RIMS1: variants seen among roughly 807,000 people sequenced by gnomAD.
RIMS1 encodes regulating synaptic membrane exocytosis 1, also known as regulating synaptic membrane exocytosis protein 1.
A neutral mutation model predicts 214.1 loss-of-function variants in RIMS1; 83 were observed. The observed-to-expected ratio is 0.39, with a 90% CI of 0.32 to 0.47. The LOEUF is 0.47. Ranked by LOEUF, RIMS1 falls within the 20% of genes least tolerant of loss-of-function variation. RIMS1 has a pLI of 0.99. For missense variants in RIMS1, 2,050 were observed against 2,161.8 expected (o/e 0.95, Z 1.03); for synonymous variants, 793 against 786.8 (o/e 1.01, Z -0.13).
At chr6:71,990,283 G>A (rs970779944) in intron 2 of RIMS1, among the ~76,000 whole-genome samples, 9 of 152,038 alleles carry the variant, frequency 5.9e-5, no homozygotes, top group African/African-American at 1.9e-4. Flanking sequence ...ACACTGATAC[G>A]TGCAGCTCAT....
intron 1 of RIMS1, among the ~76,000 whole-genome samples, chr6:71,912,181 C>A (rs923306153): frequency 3.3e-5 from 5 of 152,144 alleles, no homozygotes; most frequent in Non-Finnish European, 7.4e-5. Flanking sequence ...AACCCTGCCT[C>A]TTCTGTGGTC....
At chr6:72,007,137 A>G (rs565818265) in intron 2 of RIMS1, among the ~76,000 whole-genome samples, 121 of 152,304 alleles carry the variant, frequency 7.9e-4, no homozygotes, top group African/African-American at 2.7e-3. Flanking sequence ...TTCCAGAGGA[A>G]CGATCACGCA....
At chr6:72,023,257 T>A (rs1007280998) in intron 2 of RIMS1, among the ~76,000 whole-genome samples, 6 of 152,188 alleles carry the variant, frequency 3.9e-5, no homozygotes, top group Non-Finnish European at 7.4e-5. Flanking sequence ...ATAGCTAACA[T>A]ATACATTTTA....
At chr6:72,114,064 GA>G (rs1258163747) in intron 4 of RIMS1, among the ~76,000 whole-genome samples, 5 of 151,910 alleles carry the variant, frequency 3.3e-5, no homozygotes, top group African/African-American at 1.2e-4. Context: ...ATTTTAAAGA[GA>G]AAAAAGTTTC....
intron 6 of RIMS1, among the ~76,000 whole-genome samples, chr6:72,207,085 G>T (rs2154001391): frequency 6.6e-6 from 1 of 152,306 alleles, no homozygotes; most frequent in Admixed American, 6.5e-5. Context: ...GCAAGAAGTA[G>T]TCTGGTCCTA....
intron 2 of RIMS1, among the ~76,000 whole-genome samples, chr6:72,077,944 C>T (rs1437773412): frequency 2.6e-5 from 4 of 152,140 alleles, no homozygotes; most frequent in East Asian, 3.9e-4. Flanking sequence ...AAGGGGATAG[C>T]TTCACTTTAG....
chr6:72,207,537 T>C (rs1445675520), intron 6 of RIMS1, among the ~76,000 whole-genome samples: 3 of 152,154 alleles, frequency 2.0e-5, no homozygotes, highest in Non-Finnish European at 4.4e-5. Context: ...GTGTGGGCAA[T>C]AGGATGATAA....
intron 12 of RIMS1, among the ~76,000 whole-genome samples, chr6:72,249,056 G>T (rs2071722531): frequency 6.6e-6 from 1 of 152,104 alleles, no homozygotes; most frequent in South Asian, 2.1e-4. Flanking sequence ...CAGAGAAATG[G>T]ATTTACACAG....
chr6:72,219,530 A>G (rs2057629990), intron 6 of RIMS1, among the ~76,000 whole-genome samples: 1 of 152,162 alleles, frequency 6.6e-6, no homozygotes, highest in Admixed American at 6.5e-5. Flanking sequence ...AATTCTTATG[A>G]TGAACTGTAA....
At chr6:71,892,769 A>AT (rs1294679008) in intron 1 of RIMS1, among the ~76,000 whole-genome samples, 3 of 152,218 alleles carry the variant, frequency 2.0e-5, no homozygotes, top group African/African-American at 7.2e-5. Context: ...TAGGTCAGGC[A>AT]TTAGGCTGCT....
intron 29 of RIMS1, among the ~76,000 whole-genome samples, chr6:72,355,570 C>T (rs1190062590): frequency 6.6e-6 from 1 of 152,090 alleles, no homozygotes; most frequent in Non-Finnish European, 1.5e-5. Context: ...GGTGAAAACA[C>T]CTTTAGAACA....
chr6:72,148,553 T>C (rs2043059411), intron 4 of RIMS1: 2 of 456,398 alleles, frequency 4.4e-6, no homozygotes, highest in African/African-American at 2.0e-5. Flanking sequence ...CTCCCTGCTG[T>C]CAGTAACCTT....
At position 72,014,886 on chromosome 6, in the gene RIMS1, T is replaced by C. The variant is rs1346243865; in HGVS notation, c.245+45823T>C. On this transcript the variant is annotated intron_variant, in intron 2 of 33. Transcript: ENST00000521978. ...ATGATATATCCTCTTTGGAGAAATATCTAATCAAATTCCCTGCCTATTTCT... is the reference window on the plus strand; with the variant it reads ...ATGATATATCCTCTTTGGAGAAATACCTAATCAAATTCCCTGCCTATTTCT... Among the ~76,000 whole-genome samples, 11 of 152,326 alleles carry C rather than the reference T, an allele frequency of 7.2e-5. No homozygotes were observed. The Middle Eastern group carries it at 0.01, about 141-fold the overall frequency.
intron 10 of RIMS1, 72 bp from the exon 11 acceptor site, chr6:72,245,743 A>T: frequency 8.5e-7 from 1 of 1,182,534 alleles, no homozygotes; most frequent in Non-Finnish European, 1.3e-6. Context: ...CACATCACGT[A>T]TAATGGGCTA....
At chr6:71,961,956 A>G (rs1309097439) in intron 1 of RIMS1, among the ~76,000 whole-genome samples, 1 of 152,270 alleles carries the variant, frequency 6.6e-6, no homozygotes, top group East Asian at 1.9e-4. Flanking sequence ...TAAATCCATA[A>G]GTAAGTAAAG....
intron 4 of RIMS1, among the ~76,000 whole-genome samples, chr6:72,133,584 A>C (rs927580184): frequency 3.9e-5 from 6 of 152,150 alleles, no homozygotes; most frequent in African/African-American, 1.4e-4. Context: ...AGTGATGGCT[A>C]TAGAGAGAGA....
intron 19 of RIMS1, chr6:72,262,121 A>T (rs1197013474): frequency 1.0e-6 from 1 of 984,634 alleles, no homozygotes; most frequent in Admixed American, 6.2e-5. Flanking sequence ...CCTGGCACTC[A>T]GTGTGTGAAT....
chr6:72,030,578 T>C (rs1264465703), intron 2 of RIMS1, among the ~76,000 whole-genome samples: 1 of 152,142 alleles, frequency 6.6e-6, no homozygotes, highest in Non-Finnish European at 1.5e-5. Flanking sequence ...TAAAATAACA[T>C]GAATTTTAAA....
At chr6:71,963,866 T>C (rs1793684170) in intron 1 of RIMS1, among the ~76,000 whole-genome samples, 1 of 152,212 alleles carries the variant, frequency 6.6e-6, no homozygotes, top group Non-Finnish European at 1.5e-5. Flanking sequence ...GCTTGAAATC[T>C]ATAGATTTTC....
Sources: gnomAD v4.1 joint callset for allele counts (sites outside exome capture counted in the v4.1 genomes callset) on GRCh38, gnomAD v4.1.1 for gene constraint, MANE v1.5 for transcripts, NCBI Gene and HGNC (gene_info 2026-07-23, HGNC 2026-07-21) for gene names.